Variants in SLC40A1 observed in about 807,000 individuals in gnomAD.
SLC40A1 encodes solute carrier family 40 member 1.
Under a neutral mutation model 53.5 loss-of-function variants are expected in SLC40A1, and 16 were observed. The ratio of observed to expected loss-of-function variants is 0.30; its 90% CI spans 0.20 to 0.45. The LOEUF (loss-of-function observed/expected upper bound fraction) is 0.45. Ranked by LOEUF, SLC40A1 falls within the 20% of genes least tolerant of loss-of-function variation. The pLI, the probability that SLC40A1 is intolerant of heterozygous loss-of-function variation, is 1.00. For synonymous variants in SLC40A1, 247 were observed against 253.2 expected, an observed-to-expected ratio of 0.98 and a Z score of 0.23; for missense variants, 545 against 695.4, an observed-to-expected ratio of 0.78 and a Z score of 2.43.
rs1553495211 is a variant in SLC40A1, at chr2:189,577,863, T to TGCCTTA, written c.111+1949_111+1950insTAAGGC. On this transcript the variant is annotated intron_variant, in intron 2 of 7. Transcript: ENST00000261024. ...GACTCCTGGGCTCAAGGAATCCTCC[T>TGCCTTA]GCCTCCCAAAGTGCTAGGATTACAG... is the stretch of plus-strand genomic sequence containing the variant. Among the ~76,000 whole-genome samples, 4 of 151,350 alleles carry TGCCTTA rather than the reference T, an allele frequency of 2.6e-5. 1 individual carries two copies. The highest frequency in any genetic ancestry group is 5.9e-5 in the Non-Finnish European group (4 of 67,740).
chr2:189,564,502 C>T (rs1475683048), intron 6 of SLC40A1, among the ~76,000 whole-genome samples: 1 of 151,844 alleles, frequency 6.6e-6, no homozygotes, highest in African/African-American at 2.4e-5. Context: ...CCAAAGTAAA[C>T]AGCAGGAAAA....
chr2:189,564,551 A>G (rs1312627573), intron 6 of SLC40A1, among the ~76,000 whole-genome samples: 1 of 152,072 alleles, frequency 6.6e-6, no homozygotes, highest in Non-Finnish European at 1.5e-5. Flanking sequence ...AAAAAAACAC[A>G]GCGTATTGGC....
intron 5 of SLC40A1, among the ~76,000 whole-genome samples, chr2:189,567,667 G>A (rs1362593344): frequency 6.6e-6 from 1 of 152,182 alleles, no homozygotes; most frequent in African/African-American, 2.4e-5. Context: ...TACATTAACA[G>A]AAGATTGCCT....
rs1208231168 is a variant in SLC40A1 at position 189,580,584 on chromosome 2, G to A, written c.-124C>T. 4 of 1,584,238 alleles carry A rather than the reference G, an allele frequency of 2.5e-6. No homozygotes were observed. The highest frequency in any genetic ancestry group is 1.3e-5 in the African/African-American group (1 of 74,670). On this transcript the variant is annotated 5_prime_UTR_variant, in exon 1 of 8. Transcript: ENST00000261024. ...ACCTCTAAAAACACAACAGCCTTGG[G>A]CAAAAAGACTACAACGACGACTTTG...
chr2:189,572,860 G>T lies in SLC40A1; in HGVS notation c.373C>A (p.His125Asn), dbSNP rs568086191. Reference protein sequence around the residue: ...LHKHELLTMYHGWVLTSCYIL... With the variant: ...LHKHELLTMYNGWVLTSCYIL... ...TGAGAACTTACGAGAACCCATCCAT[G>T]GTACATGGTCAGAAGCTCATGTTTA... Residue 125 changes from histidine (H) to asparagine (N), a missense_variant, in exon 4 of 8, where the codon CAT becomes AAT. Around this residue, in one of 4 missense-constraint regions of SLC40A1, gnomAD observed 197 missense variants for 278.8 expected, o/e 0.71. Coordinates refer to ENST00000261024, the MANE Select transcript of SLC40A1 (RefSeq NM_014585.6). 1.4e-5 allele frequency: 23 copies of T among 1,608,724 alleles called. No homozygotes were observed. Among genetic ancestry groups the T allele is most frequent in the African/African-American group, 2.7e-5 (2 of 74,772 alleles).
At chr2:189,574,077 G>A (rs550597011) in intron 3 of SLC40A1, among the ~76,000 whole-genome samples, 35 of 152,238 alleles carry the variant, frequency 2.3e-4, no homozygotes, top group Admixed American at 1.9e-3. Context: ...CAGCCCAGAG[G>A]TATCAGGAAA....
intron 6 of SLC40A1, among the ~76,000 whole-genome samples, chr2:189,564,922 C>A (rs778230890): frequency 6.6e-6 from 1 of 152,214 alleles, no homozygotes; most frequent in Non-Finnish European, 1.5e-5. Context: ...AGAAGCCCAG[C>A]GTCCTCTTCT....
chr2:189,565,269 T>C (rs1264279581), intron 6 of SLC40A1, 85 bp downstream of exon 6: 14 of 1,560,638 alleles, frequency 9.0e-6, no homozygotes, highest in Non-Finnish European at 1.1e-5. Flanking sequence ...TAAAACCTGA[T>C]ACAAATTCAA....
In SLC40A1 at chr2:189,579,822, G is replaced by A. The variant is rs2031398822; in HGVS notation, c.102C>T (p.Leu34=). 1.9e-6 allele frequency: 3 copies of A among 1,613,940 alleles called. No individual in the cohort carries two copies. Among genetic ancestry groups the A allele is most frequent in the Non-Finnish European group, 2.5e-6 (3 of 1,179,910 alleles). The change falls in exon 2 of 8, where the codon CTC becomes CTT. Residue 34 remains leucine (L), a synonymous_variant. Coordinates refer to ENST00000261024, the MANE Select transcript of SLC40A1 (RefSeq NM_014585.6). ...AKFLLYLGHS[L]STWGDRMWHF... is the part of the protein sequence containing the mutation. Reference sequence around the variant, plus strand: ...ATGCATTCTCACTTACCCAAGTAGAGAGAGAATGACCAAGGTAGAGAAGGA... The same window carrying A: ...ATGCATTCTCACTTACCCAAGTAGAAAGAGAATGACCAAGGTAGAGAAGGA...
intron 6 of SLC40A1, 78 bp from the exon 7 acceptor site, chr2:189,564,303 C>G: frequency 1.6e-6 from 2 of 1,253,298 alleles, no homozygotes; most frequent in Non-Finnish European, 2.3e-6. Flanking sequence ...TACTTTTTTT[C>G]CTTCTATTCC....
intron 4 of SLC40A1, 136 bp downstream of exon 4, chr2:189,572,710 G>A: frequency 4.3e-6 from 3 of 694,698 alleles, no homozygotes; most frequent in Non-Finnish European, 7.8e-6. Context: ...AACTATAGGG[G>A]ATATTACAGT....
chr2:189,562,566 A>G (rs1283049277), intron 7 of SLC40A1, among the ~76,000 whole-genome samples: 1 of 152,216 alleles, frequency 6.6e-6, no homozygotes, highest in Non-Finnish European at 1.5e-5. Context: ...GGTTATGGTT[A>G]AAGTGTAAGG....
intron 5 of SLC40A1, among the ~76,000 whole-genome samples, chr2:189,568,184 T>TAA (rs757056097): frequency 2.3e-5 from 3 of 130,598 alleles, no homozygotes; most frequent in African/African-American, 5.7e-5. Flanking sequence ...AATGGATAAT[T>TAA]AAAAAAAAAA....
intron 2 of SLC40A1, among the ~76,000 whole-genome samples, chr2:189,577,617 T>A (rs1477567979): frequency 1.0e-5 from 1 of 99,608 alleles, no homozygotes; most frequent in Non-Finnish European, 2.8e-5. Context: ...AGTATCCACT[T>A]TTTTTTTTTT....
intron 5 of SLC40A1, among the ~76,000 whole-genome samples, chr2:189,568,564 GCT>G (rs1398758919): frequency 2.0e-5 from 3 of 151,970 alleles, no homozygotes; most frequent in African/African-American, 7.2e-5. Context: ...GCAAATATAC[GCT>G]CTTTACCAAT....
In SLC40A1 at chr2:189,564,032, A is replaced by G. The variant is rs1281211859; in HGVS notation, c.954T>C (p.Tyr318=). 3 of 1,613,766 alleles carry G rather than the reference A, an allele frequency of 1.9e-6. No homozygotes were observed. Among genetic ancestry groups the G allele is most frequent in the Non-Finnish European group, 2.5e-6 (3 of 1,179,778 alleles). The part of the protein sequence containing the change: ...FLAGMGLAFL[Y]MTVLGFDCIT... ...TGCAGTCAAAGCCCAGGACAGTCATATAAAGGAAAGCAAGACCCATGCCAG... is the reference window on the plus strand; with the variant it reads ...TGCAGTCAAAGCCCAGGACAGTCATGTAAAGGAAAGCAAGACCCATGCCAG... Residue 318 remains tyrosine (Y), a synonymous_variant, in exon 7 of 8, where the codon TAT becomes TAC. Coordinates refer to ENST00000261024, the MANE Select transcript of SLC40A1 (RefSeq NM_014585.6).
Position 189,571,775 on chromosome 2 carries a change from T to C in SLC40A1, c.454A>G (p.Ile152Val), listed in dbSNP as rs1328696186. The C allele has an allele frequency of 1.2e-6, 2 of 1,613,370 alleles. No homozygotes were observed. Among genetic ancestry groups the C allele is most frequent in the African/African-American group, 1.3e-5 (1 of 74,896 alleles). ...IANLASTATA[I>V]TIQRDWIVVV... Reference sequence around the variant, plus strand: ...ACAATCCAATCCCTTTGGATTGTGATTGCAGTAGCAGTACTGGCCAAATTT... The same window carrying C: ...ACAATCCAATCCCTTTGGATTGTGACTGCAGTAGCAGTACTGGCCAAATTT... The change falls in exon 5 of 8, where the codon ATC becomes GTC. Residue 152 changes from isoleucine (I) to valine (V), a missense_variant. Physicochemically the swap from Ile to Val is conservative, Grantham distance 29. Transcript: ENST00000261024.
intron 7 of SLC40A1, among the ~76,000 whole-genome samples, chr2:189,562,931 G>A (rs2030800935): frequency 6.6e-6 from 1 of 151,774 alleles, no homozygotes; most frequent in Non-Finnish European, 1.5e-5. Flanking sequence ...GTTGTCCTAT[G>A]GGAATATTTT....
chr2:189,564,033 TAAAGG>T lies in SLC40A1; in HGVS notation c.948_952del (p.Phe316LeufsTer8). On this transcript the variant is annotated frameshift_variant, in exon 7 of 8. Coordinates refer to ENST00000261024, the MANE Select transcript of SLC40A1 (RefSeq NM_014585.6). LOFTEE classifies it high-confidence loss of function. Reference sequence around the variant, plus strand: ...GCAGTCAAAGCCCAGGACAGTCATATAAAGGAAAGCAAGACCCATGCCAGCCAGAA... The same window carrying T: ...GCAGTCAAAGCCCAGGACAGTCATATAAAGCAAGACCCATGCCAGCCAGAA... 1 of 1,613,806 alleles carries T rather than the reference TAAAGG, an allele frequency of 6.2e-7. No individual in the cohort carries two copies. Among genetic ancestry groups the T allele is most frequent in the Non-Finnish European group, 8.5e-7 (1 of 1,179,768 alleles).
Sources: gnomAD v4.1 joint callset for allele counts (sites outside exome capture counted in the v4.1 genomes callset) on GRCh38, gnomAD v4.1.1 for gene constraint, gnomAD v4.1.1 regional missense constraint, MANE v1.5 for transcripts, NCBI Gene and HGNC (gene_info 2026-07-23, HGNC 2026-07-21) for gene names.